The following CDK19 variants were observed in gnomAD, a reference collection of about 807,000 sequenced individuals.
CDK19 encodes cyclin dependent kinase 19.
CDK19 carries 20 observed loss-of-function variants against 68.3 expected under a neutral mutation model. That is an observed-to-expected ratio of 0.29 (90% confidence interval 0.21 to 0.43). The LOEUF (loss-of-function observed/expected upper bound fraction) is 0.43. Among genes scored for constraint, CDK19 ranks in the 20% least tolerant of loss-of-function variants. The pLI is 1.00. For missense variants in CDK19, 339 were observed against 623.5 expected (o/e 0.54, Z 4.86); for synonymous variants, 221 against 222.8 (o/e 0.99, Z 0.07).
intron 1 of CDK19, chr6:110,814,089 G>A (rs1182534680): frequency 5.0e-5 from 8 of 159,858 alleles, no homozygotes; most frequent in African/African-American, 1.7e-4. Flanking sequence ...ACCAGTAAAG[G>A]CTTCCCAAGG....
intron 2 of CDK19, among the ~76,000 whole-genome samples, chr6:110,741,612 C>G (rs1319151531): frequency 6.6e-6 from 1 of 151,396 alleles, no homozygotes; most frequent in Non-Finnish European, 1.5e-5. Context: ...ACATCATAGG[C>G]AAACTGTCAA....
intron 2 of CDK19, among the ~76,000 whole-genome samples, chr6:110,737,706 C>T (rs1777346911): frequency 6.6e-6 from 1 of 152,114 alleles, no homozygotes; most frequent in Admixed American, 6.6e-5. Flanking sequence ...AACTCCAATC[C>T]CAAACTCTTA....
chr6:110,732,254 C>T lies in CDK19; in HGVS notation c.204+13872G>A, dbSNP rs181459214. Among the ~76,000 whole-genome samples, 18 of 151,968 alleles carry T rather than the reference C, an allele frequency of 1.2e-4. No individual in the cohort carries two copies. The East Asian group carries it at 2.7e-3, about 23-fold the overall frequency. On this transcript the variant is annotated intron_variant, in intron 2 of 12. Coordinates refer to ENST00000368911, the MANE Select transcript of CDK19 (RefSeq NM_015076.5). ...CTCATGCCTGTAATCCCAGCACTTT[C>T]GGAGATGGAGGCAGGTGGATCACTT...
chr6:110,643,407 A>C, intron 4 of CDK19: 1 of 312,852 alleles, frequency 3.2e-6, no homozygotes, highest in South Asian at 2.8e-5. Flanking sequence ...CATTATTAGG[A>C]TAGAACTGGA....
intron 4 of CDK19, chr6:110,643,147 A>G (rs1238399914): frequency 7.9e-7 from 1 of 1,262,508 alleles, no homozygotes; most frequent in Admixed American, 2.5e-5. Context: ...CCTAGATGCT[A>G]CCAGTAGAAG....
intron 1 of CDK19, chr6:110,814,198 C>T (rs1039916569): frequency 3.3e-5 from 8 of 241,432 alleles, no homozygotes; most frequent in Admixed American, 1.1e-4. Flanking sequence ...ACTCCATAAG[C>T]CCCAGCCCAC....
intron 1 of CDK19, among the ~76,000 whole-genome samples, chr6:110,806,469 C>T (rs1782692649): frequency 6.6e-6 from 1 of 152,162 alleles, no homozygotes; most frequent in African/African-American, 2.4e-5. Flanking sequence ...CAAGCCATTA[C>T]TTCCAAAGGT....
At chr6:110,648,658 A>G (rs534819777) in intron 4 of CDK19, among the ~76,000 whole-genome samples, 2 of 149,504 alleles carry the variant, frequency 1.3e-5, no homozygotes, top group African/African-American at 4.9e-5. Flanking sequence ...CTCCTGCCTC[A>G]GCCTCCTGAG....
At chr6:110,748,203 C>G (rs1778210559) in intron 1 of CDK19, among the ~76,000 whole-genome samples, 1 of 152,136 alleles carries the variant, frequency 6.6e-6, no homozygotes, top group Admixed American at 6.5e-5. Flanking sequence ...ATTACACAAT[C>G]TGGATAGGTT....
At chr6:110,627,685 A>G (rs530714913) in intron 6 of CDK19, among the ~76,000 whole-genome samples, 1 of 152,094 alleles carries the variant, frequency 6.6e-6, no homozygotes, top group South Asian at 2.1e-4. Flanking sequence ...CTAATTTTTT[A>G]AAAAATTGTT....
chr6:110,730,925 G>A (rs1776699672), intron 2 of CDK19, among the ~76,000 whole-genome samples: 2 of 152,032 alleles, frequency 1.3e-5, no homozygotes, highest in Non-Finnish European at 1.5e-5. Context: ...GGTGGCGCAT[G>A]CCTGTAATCC....
chr6:110,769,906 G>A (rs978696363), intron 1 of CDK19, among the ~76,000 whole-genome samples: 3 of 152,146 alleles, frequency 2.0e-5, no homozygotes, highest in Non-Finnish European at 2.9e-5. Flanking sequence ...CAACTAGCCT[G>A]CAAATGTATG....
At chr6:110,767,155 AG>A (rs933938140) in intron 1 of CDK19, among the ~76,000 whole-genome samples, 1 of 145,206 alleles carries the variant, frequency 6.9e-6, no homozygotes, top group South Asian at 2.5e-4. Flanking sequence ...ATAAATAAAT[AG>A]GAAAAAAAAA....
chr6:110,810,465 G>GA (rs1175280170), intron 1 of CDK19, among the ~76,000 whole-genome samples: 1 of 152,040 alleles, frequency 6.6e-6, no homozygotes, highest in Non-Finnish European at 1.5e-5. Context: ...TGAGGATGAA[G>GA]AAAAAAACAG....
intron 1 of CDK19, chr6:110,814,725 T>TCGTCCGTCTC: frequency 3.3e-6 from 2 of 607,212 alleles, no homozygotes; most frequent in African/African-American, 1.8e-5. Flanking sequence ...CGGTCCCAAC[T>TCGTCCGTCTC]CGAGTCCCCC....
At chr6:110,811,286 T>C (rs1468693486) in intron 1 of CDK19, among the ~76,000 whole-genome samples, 2 of 152,228 alleles carry the variant, frequency 1.3e-5, no homozygotes, top group African/African-American at 2.4e-5. Flanking sequence ...ATTAGCTATA[T>C]GCATCTACAT....
At chr6:110,730,048 G>T (rs1299461647) in intron 2 of CDK19, among the ~76,000 whole-genome samples, 2 of 152,094 alleles carry the variant, frequency 1.3e-5, no homozygotes, top group African/African-American at 2.4e-5. Context: ...GCTCTGTACT[G>T]GTATAAAATA....
At chr6:110,635,566 G>A (rs544438389) in intron 5 of CDK19, among the ~76,000 whole-genome samples, 2 of 152,280 alleles carry the variant, frequency 1.3e-5, no homozygotes, top group Non-Finnish European at 2.9e-5. Context: ...CCCATATGGA[G>A]TCTTGCTCTG....
intron 9 of CDK19, 81 bp downstream of exon 9, chr6:110,623,209 T>A (rs552641178): frequency 1.7e-6 from 2 of 1,174,460 alleles, no homozygotes; most frequent in East Asian, 4.7e-5. Context: ...CTTTTGTTTC[T>A]AAAGAGGAGG....
Sources: gnomAD v4.1 joint callset for allele counts (sites outside exome capture counted in the v4.1 genomes callset) on GRCh38, gnomAD v4.1.1 for gene constraint, MANE v1.5 for transcripts, NCBI Gene and HGNC (gene_info 2026-07-23, HGNC 2026-07-21) for gene names.